The following SMOC2 variants were observed in gnomAD, a reference collection of about 807,000 sequenced individuals.
SMOC2 encodes the protein SPARC-related modular calcium-binding protein 2.
Under a neutral mutation model 61.4 loss-of-function variants are expected in SMOC2, and 39 were observed. The observed-to-expected ratio is 0.64, with a 90% confidence interval of 0.49 to 0.83. SMOC2 has a LOEUF of 0.83. Ranked by LOEUF, SMOC2 falls within the 40% of genes least tolerant of loss-of-function variation. The pLI is 0.00. For synonymous variants in SMOC2, 247 were observed against 239.9 expected (o/e 1.03, Z -0.27); for missense variants, 556 against 592.9 (o/e 0.94, Z 0.65).
At chr6:168,664,480 C>G (rs1787606392) in intron 12 of SMOC2, 1 of 410,062 alleles carries the variant, frequency 2.4e-6, no homozygotes, top group South Asian at 1.8e-5. Context: ...AGCAATCCAC[C>G]TGGGATTACA....
At chr6:168,477,341 T>A (rs930489671) in intron 1 of SMOC2, among the ~76,000 whole-genome samples, 1 of 152,220 alleles carries the variant, frequency 6.6e-6, no homozygotes, top group South Asian at 2.1e-4. Flanking sequence ...AGATCCCAAA[T>A]CTTACTCTTT....
intron 1 of SMOC2, among the ~76,000 whole-genome samples, chr6:168,456,659 C>T (rs991222401): frequency 2.6e-5 from 4 of 152,196 alleles, no homozygotes; most frequent in East Asian, 3.9e-4. Context: ...GATTTCAAAA[C>T]GCGCCCCAGG....
intron 10 of SMOC2, among the ~76,000 whole-genome samples, chr6:168,651,094 C>T (rs1029328529): frequency 2.6e-5 from 4 of 152,112 alleles, no homozygotes. Flanking sequence ...CTGCAGAGGG[C>T]TTTGTGCTTT....
chr6:168,444,938 C>T (rs1781298313), intron 1 of SMOC2, among the ~76,000 whole-genome samples: 1 of 152,170 alleles, frequency 6.6e-6, no homozygotes, highest in African/African-American at 2.4e-5. Context: ...GTATTCATTC[C>T]CATGTTGACT....
chr6:168,591,516 T>A (rs1785180115), intron 7 of SMOC2, among the ~76,000 whole-genome samples: 1 of 152,150 alleles, frequency 6.6e-6, no homozygotes, highest in Non-Finnish European at 1.5e-5. Flanking sequence ...GCCAAAGGTT[T>A]GAGTGAGAAT....
chr6:168,524,092 G>A (rs1309007198), intron 2 of SMOC2, among the ~76,000 whole-genome samples: 1 of 152,038 alleles, frequency 6.6e-6, no homozygotes, highest in Non-Finnish European at 1.5e-5. Flanking sequence ...ACACACGGGG[G>A]CCATGACTGT....
intron 11 of SMOC2, 38 bp downstream of exon 11, chr6:168,653,266 A>C: frequency 6.8e-7 from 1 of 1,477,546 alleles, no homozygotes; most frequent in Non-Finnish European, 9.2e-7. Flanking sequence ...GGCAGTGGTC[A>C]GGCCCTGAGG....
At chr6:168,526,305 C>T in intron 2 of SMOC2, 41 bp from the exon 3 acceptor site, 2 of 1,537,460 alleles carry the variant, frequency 1.3e-6, no homozygotes, top group Admixed American at 3.3e-5. Flanking sequence ...CTATCTTCTT[C>T]CCATTGCATA....
rs1781810524 is a variant in SMOC2, at chr6:168,465,607, AC to A, written c.84+24154del. Reference sequence around the variant, plus strand: ...TCTTTTTTTTTTGCCAAGAGATTTTACGAAAGTGACATAGTTTGTGAAAGCC... The same window carrying A: ...TCTTTTTTTTTTGCCAAGAGATTTTAGAAAGTGACATAGTTTGTGAAAGCC... On this transcript the variant is annotated intron_variant, in intron 1 of 12. Transcript: ENST00000356284. 7.9e-5 allele frequency among the ~76,000 whole-genome samples: 12 copies of A among 152,212 alleles called. No individual in the cohort carries two copies. The South Asian group carries it at 2.5e-3, about 32-fold the overall frequency.
intron 9 of SMOC2, among the ~76,000 whole-genome samples, chr6:168,615,011 ATACCTACAGCCAG>A (rs1562383652): frequency 1.8e-3 from 124 of 69,448 alleles, no homozygotes; most frequent in Non-Finnish European, 2.7e-3. Context: ...GGGCCTCTTC[ATACCTACAGCCAG>A]CACAGGGCCT....
At chr6:168,444,075 C>T (rs186783829) in intron 1 of SMOC2, among the ~76,000 whole-genome samples, 1 of 152,140 alleles carries the variant, frequency 6.6e-6, no homozygotes, top group African/African-American at 2.4e-5. Flanking sequence ...ATGCATATAG[C>T]GTTGTGGCAT....
chr6:168,525,761 G>T (rs1783438795), intron 2 of SMOC2, among the ~76,000 whole-genome samples: 1 of 152,134 alleles, frequency 6.6e-6, no homozygotes, highest in Non-Finnish European at 1.5e-5. Context: ...ACAGAGAAAA[G>T]GGACGAGCCA....
At chr6:168,584,975 A>T (rs1396842404) in intron 7 of SMOC2, among the ~76,000 whole-genome samples, 2 of 152,078 alleles carry the variant, frequency 1.3e-5, no homozygotes, top group East Asian at 3.9e-4. Flanking sequence ...ACATTTTTTT[A>T]AAAACAAGGC....
intron 2 of SMOC2, among the ~76,000 whole-genome samples, chr6:168,520,555 C>T (rs951991318): frequency 2.6e-5 from 4 of 152,176 alleles, no homozygotes; most frequent in East Asian, 1.9e-4. Flanking sequence ...TCAGTGACCT[C>T]GCGAGATCCA....
At chr6:168,623,482 CTTATTTATTTAT>C (rs146563724) in intron 9 of SMOC2, among the ~76,000 whole-genome samples, 55 of 146,480 alleles carry the variant, frequency 3.8e-4, no homozygotes, top group African/African-American at 1.3e-3. Context: ...CCCCACCTGG[CTTATTTATTTAT>C]TTATTTATTT....
chr6:168,596,903 G>C (rs1785348138), intron 7 of SMOC2, among the ~76,000 whole-genome samples: 1 of 152,254 alleles, frequency 6.6e-6, no homozygotes, highest in African/African-American at 2.4e-5. Context: ...TGAAATTTCA[G>C]TCATTGACAA....
chr6:168,446,837 T>C (rs898936039), intron 1 of SMOC2, among the ~76,000 whole-genome samples: 1 of 152,234 alleles, frequency 6.6e-6, no homozygotes, highest in Non-Finnish European at 1.5e-5. Context: ...GAAAATTTTA[T>C]AATATCTGGC....
intron 2 of SMOC2, among the ~76,000 whole-genome samples, chr6:168,518,518 T>C (rs555849478): frequency 6.6e-6 from 1 of 151,262 alleles, no homozygotes; most frequent in South Asian, 2.1e-4. Flanking sequence ...TGTGTAAATG[T>C]GCATGTGTGG....
In SMOC2 at chr6:168,498,540, T is replaced by TG. The variant is rs199788938; in HGVS notation, c.85-11371dup. 4.5e-3 allele frequency among the ~76,000 whole-genome samples: 693 copies of TG among 152,336 alleles called. 7 individuals carry two copies. The highest frequency in any genetic ancestry group is 0.028 in the East Asian group (146 of 5,178). On this transcript the variant is annotated intron_variant, in intron 1 of 12. Transcript: ENST00000356284. ...TCTTCAGTAAAAGAGGTCAGGTCATTGGGGTTGTCTGTGTCCCTGGAATGG... is the reference window on the plus strand; with the variant it reads ...TCTTCAGTAAAAGAGGTCAGGTCATTGGGGGTTGTCTGTGTCCCTGGAATGG...
Sources: allele counts gnomAD v4.1 joint callset (sites outside exome capture counted in the v4.1 genomes callset), GRCh38; gene constraint gnomAD v4.1.1; transcripts MANE v1.5; gene names NCBI Gene and HGNC (gene_info 2026-07-23, HGNC 2026-07-21).